POTEB2: variants seen among roughly 807,000 people sequenced by gnomAD.
POTEB2 encodes POTE ankyrin domain family, member B2.
POTEB2 carries 1 observed loss-of-function variant against 1.8 expected under a neutral mutation model. That is an observed-to-expected ratio of 0.55 (90% CI 0.20 to 2.62). POTEB2 has a LOEUF of 2.62. POTEB2 is among the 30% of genes most tolerant of loss of function. The pLI is 0.24.
chr15:20,849,478 CT>C (rs3061967), intron 6 of POTEB2, among the ~76,000 whole-genome samples: 1 of 11,148 alleles, frequency 9.0e-5, no homozygotes, highest in African/African-American at 2.9e-4. Context: ...TTTCATTTTT[CT>C]TTTTTTTTGT....
At chr15:20,839,492 T>C (rs1319392532) in intron 9 of POTEB2, among the ~76,000 whole-genome samples, 1 of 30,440 alleles carries the variant, frequency 3.3e-5, no homozygotes, top group Non-Finnish European at 5.3e-5. Context: ...TATAAAAACA[T>C]GCTAAATATT....
At chr15:20,860,435 ACAC>A (rs1412986586) in intron 3 of POTEB2, among the ~76,000 whole-genome samples, 14 of 45,766 alleles carry the variant, frequency 3.1e-4, no homozygotes, top group African/African-American at 1.6e-3. Flanking sequence ...ACACACACAC[ACAC>A]AAACAAAAAC....
chr15:20,860,837 A>G (rs1889678681), intron 3 of POTEB2, among the ~76,000 whole-genome samples: 1 of 32,328 alleles, frequency 3.1e-5, no homozygotes, highest in Admixed American at 3.7e-4. Context: ...CATTAACCAC[A>G]AGTGCACTGA....
intron 10 of POTEB2, among the ~76,000 whole-genome samples, chr15:20,836,467 T>C (rs868248435): frequency 0.045 from 2,896 of 64,048 alleles, 209 homozygotes; most frequent in African/African-American, 0.16. Flanking sequence ...GATGCTACTG[T>C]TAGTGATCCT....
intron 9 of POTEB2, among the ~76,000 whole-genome samples, chr15:20,840,257 TG>T (rs568162487): frequency 1.4e-4 from 1 of 7,380 alleles, no homozygotes; most frequent in East Asian, 2.7e-3. Context: ...GCGAAACTAT[TG>T]GGGGGGGTGT....
intron 3 of POTEB2, among the ~76,000 whole-genome samples, chr15:20,860,440 A>C (rs1486044444): frequency 0.011 from 316 of 28,670 alleles, 40 homozygotes; most frequent in East Asian, 0.037. Flanking sequence ...CACACACACA[A>C]ACAAAAACAA....
chr15:20,858,329 G>T, intron 3 of POTEB2, 112 bp from the exon 4 acceptor site: 1 of 262,978 alleles, frequency 3.8e-6, no homozygotes, highest in Non-Finnish European at 5.4e-6. Flanking sequence ...AAATTTGGTC[G>T]CTTCCTTCTC....
At position 20,839,184 on chromosome 15, in the gene POTEB2, G is replaced by A. The variant is rs1485794463; in HGVS notation, c.1299-1817C>T. Among the ~76,000 whole-genome samples, 81 of 105,834 alleles carry A rather than the reference G, an allele frequency of 7.7e-4. 5 individuals carry two copies. Among genetic ancestry groups the A allele is most frequent in the African/African-American group, 3.4e-3 (78 of 23,046 alleles). 69.4% of individuals were successfully genotyped at this position (105,834 alleles called of 152,430 possible). On this transcript the variant is annotated intron_variant, in intron 9 of 10. Coordinates refer to ENST00000454856, the MANE Select transcript of POTEB2 (RefSeq NM_001277303.1). ...GCCTAGGCAAATAATTTATGATGAG[G>A]ACCCTGAAAGCAAAAGCAACAAAAA...
At chr15:20,836,388 C>CACACAT (rs556259035) in intron 10 of POTEB2, among the ~76,000 whole-genome samples, 3,727 of 59,130 alleles carry the variant, frequency 0.063, 115 homozygotes, top group South Asian at 0.2. Context: ...CTAGAATACA[C>CACACAT]ACACACACAC....
intron 9 of POTEB2, among the ~76,000 whole-genome samples, chr15:20,839,508 T>C (rs1411064184): frequency 4.0e-5 from 1 of 25,270 alleles, no homozygotes; most frequent in Non-Finnish European, 6.4e-5. Flanking sequence ...ATATTACTAA[T>C]CATCAGGGAA....
At chr15:20,838,927 C>A (rs1327832516) in intron 9 of POTEB2, among the ~76,000 whole-genome samples, 1 of 26,074 alleles carries the variant, frequency 3.8e-5, no homozygotes, top group Non-Finnish European at 6.1e-5. Flanking sequence ...AGTACATACA[C>A]AGATCAATGG....
Position 20,839,214 on chromosome 15 carries a change from A to T in POTEB2, c.1299-1847T>A, listed in dbSNP as rs1261539601. Among the ~76,000 whole-genome samples the T allele has an allele frequency of 2.0e-3, 221 of 111,512 alleles. 22 individuals carry two copies. In the East Asian group the frequency reaches 0.032, roughly 16 times the overall value. 73.2% of individuals were successfully genotyped at this position (111,512 alleles called of 152,430 possible). A position where few individuals can be genotyped will look rare whatever the true frequency, so the allele number is the denominator to read the frequency against. On this transcript the variant is annotated intron_variant, in intron 9 of 10. Coordinates refer to ENST00000454856, the MANE Select transcript of POTEB2 (RefSeq NM_001277303.1). ...TGAAAGCAAAAGCAACAAAAATAAAAATAAATAAATAAATAAATAAATAAA... is the reference window on the plus strand; with the variant it reads ...TGAAAGCAAAAGCAACAAAAATAAATATAAATAAATAAATAAATAAATAAA...
intron 6 of POTEB2, among the ~76,000 whole-genome samples, chr15:20,851,336 G>A: frequency 8.3e-5 from 1 of 12,084 alleles, no homozygotes. Flanking sequence ...AAAAAATTAA[G>A]CAAAACAAAT....
intron 9 of POTEB2, among the ~76,000 whole-genome samples, chr15:20,839,888 A>ATATATATATATTAAAGAAAAT (rs1889426992): frequency 4.9e-4 from 1 of 2,056 alleles, no homozygotes; most frequent in Non-Finnish European, 8.0e-4. Context: ...ATATATATAT[A>ATATATATATATTAAAGAAAAT]TATATATATA....
chr15:20,860,434 C>CAA (rs1384768428), intron 3 of POTEB2, among the ~76,000 whole-genome samples: 1 of 45,856 alleles, frequency 2.2e-5, no homozygotes, highest in African/African-American at 1.3e-4. Flanking sequence ...CACACACACA[C>CAA]ACACAAACAA....
At chr15:20,860,450 A>G (rs559057325) in intron 3 of POTEB2, among the ~76,000 whole-genome samples, 610 of 46,884 alleles carry the variant, frequency 0.013, 177 homozygotes, top group Admixed American at 0.03. Context: ...AACAAAAACA[A>G]AAACAAAAAC....
In POTEB2 at chr15:20,846,611, G is replaced by A. The variant is rs1283030601; in HGVS notation, c.1131+434C>T. 4.9e-5 allele frequency among the ~76,000 whole-genome samples: 2 copies of A among 41,036 alleles called. 1 individual carries two copies. The highest frequency in any genetic ancestry group is 5.5e-4 in the Admixed American group (2 of 3,634). 26.9% of individuals were successfully genotyped at this position (41,036 alleles called of 152,430 possible). On this transcript the variant is annotated intron_variant, in intron 8 of 10. Coordinates refer to ENST00000454856, the MANE Select transcript of POTEB2 (RefSeq NM_001277303.1). ...TTTGCCACAACACAAGGAGCAGAGT[G>A]AAACTGCTGAGGTGCAAGCATGGAA...
At chr15:20,839,212 AAAATAAATAAAT>A (rs369986769) in intron 9 of POTEB2, among the ~76,000 whole-genome samples, 2 of 114,208 alleles carry the variant, frequency 1.8e-5, no homozygotes, top group African/African-American at 4.0e-5. Context: ...AACAAAAATA[AAAATAAATAAAT>A]AAATAAATAA....
At chr15:20,860,466 A>C (rs1378315979) in intron 3 of POTEB2, among the ~76,000 whole-genome samples, 1 of 39,342 alleles carries the variant, frequency 2.5e-5, no homozygotes. Flanking sequence ...AAAACAAAAA[A>C]AAACCTCTTC....
Sources: gnomAD v4.1 joint callset for allele counts (sites outside exome capture counted in the v4.1 genomes callset) on GRCh38, gnomAD v4.1.1 for gene constraint, MANE v1.5 for transcripts, NCBI Gene and HGNC (gene_info 2026-07-23, HGNC 2026-07-21) for gene names.